Variants in EYS observed in about 807,000 individuals in gnomAD.
The protein encoded by EYS is protein eyes shut homolog.
A neutral mutation model predicts 282.1 loss-of-function variants in EYS; 250 were observed. That is an observed-to-expected ratio of 0.89 (90% CI 0.80 to 0.98). The LOEUF (loss-of-function observed/expected upper bound fraction) is 0.98. Among genes scored for constraint, EYS ranks in the 50% least tolerant of loss-of-function variants. The probability of loss-of-function intolerance (pLI) is 0.00; values close to 1 mark genes in which losing one functional copy is unlikely to be tolerated. For synonymous variants in EYS, 1,355 were observed against 1,282.9 expected (o/e 1.06, Z -1.20); for missense variants, 4,016 against 3,709.0 (o/e 1.08, Z -2.15).
intron 35 of EYS, among the ~76,000 whole-genome samples, chr6:63,943,063 T>C (rs1263860443): frequency 6.6e-6 from 1 of 152,364 alleles, no homozygotes; most frequent in East Asian, 1.9e-4. Flanking sequence ...TGGTTTCTGG[T>C]CAACAGTAAG....
At chr6:64,551,939 G>A (rs1765096851) in intron 26 of EYS, among the ~76,000 whole-genome samples, 1 of 152,036 alleles carries the variant, frequency 6.6e-6, no homozygotes, top group Non-Finnish European at 1.5e-5. Flanking sequence ...GTTTTGATAT[G>A]CATTTAGCTA....
intron 14 of EYS, among the ~76,000 whole-genome samples, chr6:64,974,774 C>A (rs1049273937): frequency 6.6e-6 from 1 of 151,806 alleles, no homozygotes; most frequent in African/African-American, 2.4e-5. Flanking sequence ...CCGCACAGCA[C>A]AAAGAACAAG....
chr6:64,683,089 A>G (rs916381126), intron 22 of EYS, among the ~76,000 whole-genome samples: 3 of 152,216 alleles, frequency 2.0e-5, no homozygotes, highest in African/African-American at 7.2e-5. Flanking sequence ...TAGCTGCTGT[A>G]CACTCTAGGG....
chr6:65,687,745 A>T (rs1169328966), intron 1 of EYS, among the ~76,000 whole-genome samples: 1 of 152,172 alleles, frequency 6.6e-6, no homozygotes, highest in African/African-American at 2.4e-5. Context: ...CTCAGGATAC[A>T]AAATCAATGT....
intron 35 of EYS, among the ~76,000 whole-genome samples, chr6:63,981,808 A>T (rs946290200): frequency 1.3e-5 from 2 of 151,868 alleles, no homozygotes; most frequent in Non-Finnish European, 2.9e-5. Flanking sequence ...TTAAGTCCTG[A>T]AGAGCTGATA....
chr6:65,655,051 CT>C lies in EYS; in HGVS notation c.-447-15160del, dbSNP rs1329800055. 4.9e-5 allele frequency among the ~76,000 whole-genome samples: 7 copies of C among 143,140 alleles called. No homozygotes were observed. The East Asian group carries it at 1.5e-3, about 31-fold the overall frequency. 93.9% of individuals were successfully genotyped at this position (143,140 alleles called of 152,430 possible). ...GAATAAAATATCTTCATGAGAATTA[CT>C]TTTCTATTCATAACAGGAATTTGTA... On this transcript the variant is annotated intron_variant, in intron 1 of 42. Coordinates refer to ENST00000503581, the MANE Select transcript of EYS (RefSeq NM_001142800.2).
intron 33 of EYS, among the ~76,000 whole-genome samples, chr6:64,062,266 C>T (rs1766701246): frequency 6.6e-6 from 1 of 152,168 alleles, no homozygotes; most frequent in South Asian, 2.1e-4. Flanking sequence ...AAAGCAAAGG[C>T]AATCGTAAAT....
chr6:65,448,472 C>T (rs1764276626), intron 5 of EYS, among the ~76,000 whole-genome samples: 1 of 151,868 alleles, frequency 6.6e-6, no homozygotes, highest in South Asian at 2.1e-4. Flanking sequence ...ATGAAATGTG[C>T]TAATTTTCAG....
At chr6:65,437,550 A>T (rs1231835534) in intron 5 of EYS, among the ~76,000 whole-genome samples, 1 of 152,166 alleles carries the variant, frequency 6.6e-6, no homozygotes, top group African/African-American at 2.4e-5. Context: ...ATTTAAGTAC[A>T]GAACTTACTT....
intron 11 of EYS, among the ~76,000 whole-genome samples, chr6:65,322,912 A>G (rs1476551499): frequency 6.6e-6 from 1 of 151,460 alleles, no homozygotes; most frequent in Non-Finnish European, 1.5e-5. Flanking sequence ...GGAAAAAAGC[A>G]CATCCTGCTA....
At chr6:64,611,756 T>G (rs1003458557) in intron 24 of EYS, among the ~76,000 whole-genome samples, 1 of 152,164 alleles carries the variant, frequency 6.6e-6, no homozygotes, top group African/African-American at 2.4e-5. Flanking sequence ...TGTATTTCTT[T>G]ATAAGTTTTC....
At chr6:64,328,368 G>A (rs1198910178) in intron 29 of EYS, among the ~76,000 whole-genome samples, 1 of 152,160 alleles carries the variant, frequency 6.6e-6, no homozygotes, top group African/African-American at 2.4e-5. Context: ...CCCTAACCAG[G>A]CTCAAGGGCT....
Position 65,019,049 on chromosome 6 carries a change from G to A in EYS, c.2138-21346C>T, listed in dbSNP as rs73765720. Among the ~76,000 whole-genome samples, 1,095 of 152,174 alleles carry A rather than the reference G, an allele frequency of 7.2e-3. 19 individuals carry two copies. Among genetic ancestry groups the A allele is most frequent in the African/African-American group, 0.025 (1,043 of 41,542 alleles). ...AGAATAAGTGGCATAAATGTAGAAC[G>A]AGAAAGACTGGGTGCCATATTTTGT... On this transcript the variant is annotated intron_variant, in intron 13 of 42. Transcript: ENST00000503581.
intron 30 of EYS, among the ~76,000 whole-genome samples, chr6:64,300,466 T>A (rs773195659): frequency 6.6e-6 from 1 of 150,826 alleles, no homozygotes; most frequent in South Asian, 2.2e-4. Context: ...TTTCTGATAA[T>A]GGCCACTGTT....
rs568672378 is a variant in EYS, at chr6:64,591,240, A to G, written c.4627T>C (p.Ser1543Pro). The change falls in exon 26 of 43, where the codon TCA becomes CCA. Residue 1543 changes from serine to proline, a missense_variant. Ser to Pro is a moderately conservative substitution (Grantham distance 74, BLOSUM62 -1). Transcript: ENST00000503581. ...SSNQRLTNIK[S>P]QAADSLRELS... ...TCTCTTAAAGAATCAGCAGCCTGTG[A>G]TTTGATGTTTGTGAGTCTCTGGTTG... The G allele has an allele frequency of 1.3e-6, 2 of 1,551,382 alleles. No homozygotes were observed. The highest frequency in any genetic ancestry group is 1.7e-4 in the Middle Eastern group (1 of 5,988).
intron 10 of EYS, among the ~76,000 whole-genome samples, chr6:65,341,798 G>A (rs1330196275): frequency 1.3e-5 from 2 of 151,292 alleles, no homozygotes; most frequent in Non-Finnish European, 3.0e-5. Context: ...CCAGAATCTA[G>A]ATAAACTTCA....
In EYS at chr6:64,431,453, A is replaced by C. The variant is rs148657325; in HGVS notation, c.5927+4721T>G. Among the ~76,000 whole-genome samples, 106 of 152,248 alleles carry C rather than the reference A, an allele frequency of 7.0e-4. 1 individual carries two copies. In the East Asian group the frequency reaches 0.018, roughly 26 times the overall value. On this transcript the variant is annotated intron_variant, in intron 28 of 42. Coordinates refer to ENST00000503581, the MANE Select transcript of EYS (RefSeq NM_001142800.2). ...TTGTGAAAACCCAATTTAATCCATA[A>C]AAGAGCCCACTAATTTAATCCACAC...
chr6:64,274,485 T>TTTTTTTTGTTTG (rs1562282397), intron 30 of EYS, among the ~76,000 whole-genome samples: 2 of 147,436 alleles, frequency 1.4e-5, no homozygotes, highest in African/African-American at 5.1e-5. Context: ...CTGGCCGTTT[T>TTTTTTTTGTTTG]TTTTTTTTTT....
At chr6:64,861,775 A>G (rs1238997318) in intron 19 of EYS, among the ~76,000 whole-genome samples, 1 of 152,214 alleles carries the variant, frequency 6.6e-6, no homozygotes, top group African/African-American at 2.4e-5. Context: ...CACAATGTAC[A>G]TAATACATCT....
Sources: allele counts gnomAD v4.1 joint callset (sites outside exome capture counted in the v4.1 genomes callset), GRCh38; gene constraint gnomAD v4.1.1; transcripts MANE v1.5; gene names NCBI Gene and HGNC (gene_info 2026-07-23, HGNC 2026-07-21).